NEK11: variants seen among roughly 807,000 people sequenced by gnomAD.
NEK11 encodes the protein serine/threonine-protein kinase Nek11.
In NEK11, 72 loss-of-function variants were observed where a neutral mutation model predicts 80.7. The observed-to-expected ratio is 0.89, with a 90% confidence interval of 0.74 to 1.08. The LOEUF (loss-of-function observed/expected upper bound fraction) is 1.08, where lower values mean the gene tolerates loss of function less well. Among genes scored for constraint, NEK11 ranks in the 50% least tolerant of loss-of-function variants. The pLI, the probability that NEK11 is intolerant of heterozygous loss-of-function variation, is 0.00. For missense variants in NEK11, 764 were observed against 763.6 expected, an observed-to-expected ratio of 1.00 and a Z score of -0.01; for synonymous variants, 251 against 260.7, an observed-to-expected ratio of 0.96 and a Z score of 0.36.
chr3:131,259,045 C>G (rs2095866624), intron 16 of NEK11, among the ~76,000 whole-genome samples: 1 of 151,892 alleles, frequency 6.6e-6, no homozygotes, highest in African/African-American at 2.4e-5. Context: ...AGATAGGATT[C>G]TTTTTTTTGT....
intron 3 of NEK11, among the ~76,000 whole-genome samples, chr3:131,063,486 A>C (rs1213967881): frequency 2.6e-5 from 4 of 152,112 alleles, no homozygotes; most frequent in Non-Finnish European, 4.4e-5. Flanking sequence ...TTTTTCTCAG[A>C]TGTAGTAGAA....
At chr3:131,104,970 T>C (rs1231605831) in intron 4 of NEK11, among the ~76,000 whole-genome samples, 1 of 152,236 alleles carries the variant, frequency 6.6e-6, no homozygotes, top group East Asian at 1.9e-4. Context: ...GCAGCTGTCC[T>C]ACCTTGCTCT....
At chr3:131,111,643 G>A (rs1312511258) in intron 5 of NEK11, among the ~76,000 whole-genome samples, 4 of 152,068 alleles carry the variant, frequency 2.6e-5, no homozygotes, top group African/African-American at 4.8e-5. Context: ...ATGAGAGCAA[G>A]CTCTCCTCTC....
At chr3:131,205,074 G>A (rs977229188) in intron 14 of NEK11, among the ~76,000 whole-genome samples, 11 of 152,246 alleles carry the variant, frequency 7.2e-5, no homozygotes, top group Admixed American at 4.6e-4. Context: ...TAGGGATGAA[G>A]GTAAGACTCA....
chr3:131,027,089 T>G (rs1411310123), intron 1 of NEK11, 83 bp downstream of exon 1: 1 of 152,282 alleles, frequency 6.6e-6, no homozygotes, highest in African/African-American at 2.4e-5. Flanking sequence ...CGGGCTGGGT[T>G]CCGAATCTCT....
rs75984937 is a variant in NEK11, at chr3:131,342,139, C to T, written c.1719-7418C>T. Among the ~76,000 whole-genome samples the T allele has an allele frequency of 6.3e-4, 96 of 152,290 alleles. 1 individual carries two copies. The East Asian group carries it at 0.014, about 23-fold the overall frequency. On this transcript the variant is annotated intron_variant, in intron 17 of 17. Coordinates refer to ENST00000383366, the MANE Select transcript of NEK11 (RefSeq NM_024800.5). ...TCAAGGCACGTGCTCTATCTGGGCACGCTGCAGGCTATGGAAGCCTCTACC... is the reference window on the plus strand; with the variant it reads ...TCAAGGCACGTGCTCTATCTGGGCATGCTGCAGGCTATGGAAGCCTCTACC...
At chr3:131,211,402 T>G (rs1560993035) in intron 14 of NEK11, among the ~76,000 whole-genome samples, 1 of 152,188 alleles carries the variant, frequency 6.6e-6, no homozygotes, top group Non-Finnish European at 1.5e-5. Flanking sequence ...CCCTTAACAT[T>G]TTTTCCTTCA....
chr3:131,307,625 A>G (rs1480343588), intron 17 of NEK11, among the ~76,000 whole-genome samples: 1 of 152,234 alleles, frequency 6.6e-6, no homozygotes, highest in Non-Finnish European at 1.5e-5. Flanking sequence ...TGTTGTGTGA[A>G]TATATAGTTT....
At chr3:131,255,779 C>T (rs2095804740) in intron 16 of NEK11, among the ~76,000 whole-genome samples, 2 of 152,148 alleles carry the variant, frequency 1.3e-5, no homozygotes, top group Admixed American at 1.3e-4. Flanking sequence ...TGAACACAAC[C>T]TTGCCCTGCC....
At chr3:131,178,566 C>G (rs1274916884) in intron 14 of NEK11, among the ~76,000 whole-genome samples, 1 of 152,210 alleles carries the variant, frequency 6.6e-6, no homozygotes, top group Non-Finnish European at 1.5e-5. Flanking sequence ...ACCTCCATAT[C>G]TCGTCCCACT....
chr3:131,066,492 A>G (rs571510555), intron 3 of NEK11, among the ~76,000 whole-genome samples: 1 of 152,098 alleles, frequency 6.6e-6, no homozygotes, highest in Non-Finnish European at 1.5e-5. Context: ...TCATAAACTC[A>G]GAAGGCAGCA....
intron 10 of NEK11, among the ~76,000 whole-genome samples, chr3:131,160,260 T>C (rs571444635): frequency 1.2e-4 from 18 of 152,250 alleles, no homozygotes; most frequent in Admixed American, 5.2e-4. Flanking sequence ...CCAGAAGAGA[T>C]TGGGGGCCAA....
intron 15 of NEK11, among the ~76,000 whole-genome samples, chr3:131,237,693 T>C (rs1561135532): frequency 6.6e-6 from 1 of 152,098 alleles, no homozygotes; most frequent in Non-Finnish European, 1.5e-5. Context: ...GAGTCTCTAA[T>C]AGACATCCTG....
intron 1 of NEK11, 176 bp downstream of exon 1, chr3:131,027,182 G>A (rs2063990030): frequency 6.6e-6 from 1 of 152,154 alleles, no homozygotes; most frequent in Admixed American, 6.5e-5. Flanking sequence ...CTCAATAAAC[G>A]TTAACCTGCT....
intron 3 of NEK11, among the ~76,000 whole-genome samples, chr3:131,036,204 G>A (rs1433355466): frequency 6.6e-6 from 1 of 152,168 alleles, no homozygotes; most frequent in Non-Finnish European, 1.5e-5. Flanking sequence ...TTTGTATCAT[G>A]TGCAAGACTG....
chr3:131,061,296 G>A lies in NEK11; in HGVS notation c.171-19127G>A, dbSNP rs2070814261. Among the ~76,000 whole-genome samples, 2 of 152,222 alleles carry A rather than the reference G, an allele frequency of 1.3e-5. 1 individual carries two copies. The highest frequency in any genetic ancestry group is 4.1e-4 in the South Asian group (2 of 4,832). ...GACTAGCAGACAAGAATCACAGGCA[G>A]GAGCACATTGCCTCATTAAGTGGTG... On this transcript the variant is annotated intron_variant, in intron 3 of 17. Transcript: ENST00000383366.
intron 3 of NEK11, among the ~76,000 whole-genome samples, chr3:131,069,800 G>A (rs2072901289): frequency 6.6e-6 from 1 of 150,392 alleles, no homozygotes; most frequent in Non-Finnish European, 1.5e-5. Flanking sequence ...ACACAGGAAG[G>A]GGAATATCAC....
intron 5 of NEK11, among the ~76,000 whole-genome samples, chr3:131,115,953 T>TCTTTCTTTCTTTCTTTCTTC (rs2081079238): frequency 7.9e-6 from 1 of 126,580 alleles, no homozygotes; most frequent in African/African-American, 3.0e-5. Flanking sequence ...TTTCTTTCTT[T>TCTTTCTTTCTTTCTTTCTTC]CTTTCTTTCT....
intron 4 of NEK11, among the ~76,000 whole-genome samples, chr3:131,097,796 G>GGAAA (rs1560386543): frequency 2.1e-5 from 3 of 139,898 alleles, no homozygotes; most frequent in Non-Finnish European, 4.8e-5. Flanking sequence ...CACAGAATTG[G>GGAAA]AAAAAACTAC....
Sources: allele counts gnomAD v4.1 joint callset (sites outside exome capture counted in the v4.1 genomes callset), GRCh38; gene constraint gnomAD v4.1.1; transcripts MANE v1.5; gene names NCBI Gene and HGNC (gene_info 2026-07-23, HGNC 2026-07-21).